The following SNED1 variants were observed in gnomAD, a reference collection of about 807,000 sequenced individuals.
SNED1 encodes the protein sushi, nidogen and EGF like domains 1.
Under a neutral mutation model 166.7 loss-of-function variants are expected in SNED1, and 81 were observed. The ratio of observed to expected loss-of-function variants is 0.49; its 90% CI spans 0.41 to 0.58. SNED1 has a LOEUF of 0.58. Ranked by LOEUF, SNED1 falls within the 20% of genes least tolerant of loss-of-function variation. The pLI, the probability that SNED1 is intolerant of heterozygous loss-of-function variation, is 0.00. For missense variants in SNED1, 1,604 were observed against 2,000.2 expected, an observed-to-expected ratio of 0.80 and a Z score of 3.78; for synonymous variants, 762 against 822.0, an observed-to-expected ratio of 0.93 and a Z score of 1.25.
intron 4 of SNED1, chr2:241,035,743 G>A (rs1251529376): frequency 1.4e-5 from 2 of 148,096 alleles, no homozygotes; most frequent in Non-Finnish European, 3.0e-5. Context: ...GGTGGGGGAT[G>A]AGGGGTAGAG....
rs1173867634 is a variant in SNED1, at chr2:241,064,095, G to A, written c.2569G>A (p.Glu857Lys). ...GGGAYLCVCPESFFGYHCETV... is the reference protein window; with the variant it reads ...GGGAYLCVCPKSFFGYHCETV... ...CGGGGCCTACCTGTGCGTCTGCCCA[G>A]AGAGCTTCTTCGGCTACCACTGCGA... Residue 857 changes from glutamate (E) to lysine (K), a missense_variant, in exon 19 of 32, where the codon GAG becomes AAG. Transcript: ENST00000310397. This position sits in a 1 kb window ranked among gnomAD's most constrained non-coding sequence, Gnocchi z 7.0. 6.4e-7 allele frequency: 1 copy of A among 1,568,448 alleles called. No homozygotes were observed.
intron 1 of SNED1, among the ~76,000 whole-genome samples, chr2:241,000,363 AGCC>A (rs2060042350): frequency 6.6e-6 from 1 of 152,232 alleles, no homozygotes. Flanking sequence ...TGGGAGGGGC[AGCC>A]ATGCTGTCGG....
intron 8 of SNED1, among the ~76,000 whole-genome samples, chr2:241,041,651 C>T (rs2061524864): frequency 6.6e-6 from 1 of 152,038 alleles, no homozygotes; most frequent in African/African-American, 2.4e-5. Flanking sequence ...CACCACTGCA[C>T]TCCACCCTGG....
intron 4 of SNED1, 118 bp from the exon 5 acceptor site, chr2:241,036,672 G>A (rs1050903953): frequency 3.6e-5 from 49 of 1,359,136 alleles, no homozygotes; most frequent in Non-Finnish European, 4.4e-5. Flanking sequence ...GCGGTCACCC[G>A]GGCACCCAGA....
rs963416243 is a variant in SNED1 at position 241,063,831 on chromosome 2, C to A, written c.2485+131C>A. On this transcript the variant is annotated intron_variant, in intron 18 of 31. Coordinates refer to ENST00000310397, the MANE Select transcript of SNED1 (RefSeq NM_001080437.3). ...AGAGGGACCCCCAGGGCTGCGGCCA[C>A]CTTGGGAGGGAGGGGTGGAGGTGAG... 4 of 806,128 alleles carry A rather than the reference C, an allele frequency of 5.0e-6. No individual in the cohort carries two copies. In the South Asian group the frequency reaches 7.0e-5, roughly 14 times the overall value. 49.9% of individuals were successfully genotyped at this position (806,128 alleles called of 1,614,324 possible).
intron 27 of SNED1, among the ~76,000 whole-genome samples, chr2:241,080,615 A>G (rs997323819): frequency 3.9e-5 from 6 of 152,240 alleles, no homozygotes; most frequent in Non-Finnish European, 5.9e-5. Flanking sequence ...GAGGGCGGGG[A>G]GCCAACCTGA....
rs936698193 is a variant in SNED1 at position 241,091,412 on chromosome 2, C to T, written c.*2-226C>T. 2.1e-5 allele frequency among the ~76,000 whole-genome samples: 2 copies of T among 96,680 alleles called. No individual in the cohort carries two copies. Among genetic ancestry groups the T allele is most frequent in the Admixed American group, 2.1e-4 (2 of 9,736 alleles). 63.4% of individuals were successfully genotyped at this position (96,680 alleles called of 152,430 possible). ...TGGGGATGTAGTCGGTGGAGGCTGCCCCTCCCCGTGTGCACTGCCATATGG... is the reference window on the plus strand; with the variant it reads ...TGGGGATGTAGTCGGTGGAGGCTGCTCCTCCCCGTGTGCACTGCCATATGG... On this transcript the variant is annotated intron_variant, in intron 31 of 31. Coordinates refer to ENST00000310397, the MANE Select transcript of SNED1 (RefSeq NM_001080437.3). The surrounding 1 kb of genome is among the most constrained non-coding windows in gnomAD (Gnocchi z 4.1).
In SNED1 at chr2:241,068,037, G is replaced by A. The variant is rs375681073; in HGVS notation, c.3194+90G>A. 137 of 1,213,750 alleles carry A rather than the reference G, an allele frequency of 1.1e-4. No individual in the cohort carries two copies. The highest frequency in any genetic ancestry group is 3.2e-4 in the South Asian group (22 of 69,094). The allele number at this position is 1,213,750 out of a possible 1,614,324, so 75.2% of individuals were successfully genotyped here. On this transcript the variant is annotated intron_variant, in intron 22 of 31. Coordinates refer to ENST00000310397, the MANE Select transcript of SNED1 (RefSeq NM_001080437.3). This position sits in a 1 kb window ranked among gnomAD's most constrained non-coding sequence, Gnocchi z 5.3. ...GGCCCAGGTCTCGGGCACATTCTCC[G>A]TGTGTGGACTGTACCACCTGCCGCT...
chr2:241,050,146 C>CATT lies in SNED1; in HGVS notation c.1735+215_1735+217dup, dbSNP rs2061792769. The CATT allele has an allele frequency of 6.5e-6, 4 of 610,708 alleles. 1 individual carries two copies. In the South Asian group the frequency reaches 7.5e-5, roughly 12 times the overall value. The allele number at this position is 610,708 out of a possible 1,614,324, so 37.8% of individuals were successfully genotyped here. ...CTGCACCAGTGCCAGGCCTGCTGGT[C>CATT]ATTACCTTGCTCTTCTGAAAATAGG... On this transcript the variant is annotated intron_variant, in intron 12 of 31. Coordinates refer to ENST00000310397, the MANE Select transcript of SNED1 (RefSeq NM_001080437.3).
intron 8 of SNED1, among the ~76,000 whole-genome samples, chr2:241,045,713 CAA>C (rs35928845): frequency 4.5e-5 from 6 of 133,556 alleles, no homozygotes; most frequent in Admixed American, 7.6e-5. Flanking sequence ...AAAACATAGG[CAA>C]AAAAAAAAAA....
rs1167986231 is a variant in SNED1, at chr2:241,068,422, A to C, written c.3194+475A>C. On this transcript the variant is annotated intron_variant, in intron 22 of 31. Transcript: ENST00000310397. The surrounding 1 kb of genome is among the most constrained non-coding windows in gnomAD (Gnocchi z 5.3). Reference sequence around the variant, plus strand: ...ACCCCTGTGATTTGGTCGCCAACCAAAGAGAAAGCTTCCGAATCGTGCTCA... The same window carrying C: ...ACCCCTGTGATTTGGTCGCCAACCACAGAGAAAGCTTCCGAATCGTGCTCA... 6.6e-6 allele frequency among the ~76,000 whole-genome samples: 1 copy of C among 152,008 alleles called. No homozygotes were observed. The highest frequency in any genetic ancestry group is 2.4e-5 in the African/African-American group (1 of 41,364).
rs3815292 is a variant in SNED1 at position 241,093,347 on chromosome 2, A to G, written c.*1711A>G. 13,262 of 152,762 alleles carry G rather than the reference A, an allele frequency of 0.087. 685 individuals are homozygous for G. The highest frequency in any genetic ancestry group is 0.14 in the African/African-American group (5,746 of 41,560). The allele number at this position is 152,762 out of a possible 1,614,324, so 9.5% of individuals were successfully genotyped here. A position where few individuals can be genotyped will look rare whatever the true frequency, so the allele number is the denominator to read the frequency against. ...TACTAGCAGATGCTAAGATCGAGTG[A>G]TATCACTGGAAAAGTAGGTGAATCC... On this transcript the variant is annotated 3_prime_UTR_variant, in exon 32 of 32. Coordinates refer to ENST00000310397, the MANE Select transcript of SNED1 (RefSeq NM_001080437.3).
At chr2:241,090,322 G>A (rs61234509) in intron 31 of SNED1, 316,058 of 1,549,484 alleles carry the variant, frequency 0.2, 33,151 homozygotes, top group Middle Eastern at 0.26. Flanking sequence ...CTTCCACATC[G>A]TGTCCCAGTA....
In SNED1 at chr2:241,073,416, G is replaced by A. The variant is rs761329637; in HGVS notation, c.3916+52G>A. The A allele has an allele frequency of 2.8e-6, 4 of 1,427,524 alleles. No individual in the cohort carries two copies. Among genetic ancestry groups the A allele is most frequent in the South Asian group, 2.4e-5 (2 of 81,684 alleles). The allele number at this position is 1,427,524 out of a possible 1,614,324, so 88.4% of individuals were successfully genotyped here. A position where few individuals can be genotyped will look rare whatever the true frequency, so the allele number is the denominator to read the frequency against. ...TTGGGACTGACTGACTGCTCTCAGGGGCCTTAGAGGCTGCAGGCAGGAGGG... is the reference window on the plus strand; with the variant it reads ...TTGGGACTGACTGACTGCTCTCAGGAGCCTTAGAGGCTGCAGGCAGGAGGG... On this transcript the variant is annotated intron_variant, in intron 27 of 31. Coordinates refer to ENST00000310397, the MANE Select transcript of SNED1 (RefSeq NM_001080437.3). The surrounding 1 kb of genome is among the most constrained non-coding windows in gnomAD (Gnocchi z 6.6).
At position 241,016,234 on chromosome 2, in the gene SNED1, G is replaced by A. The variant is rs1482159168; in HGVS notation, c.214-14050G>A. ...TTTTGAGATGGAGTCTTGCTCTGTCGCCCAGGCTGGAGTGCAGTGGCACGA... is the reference window on the plus strand; with the variant it reads ...TTTTGAGATGGAGTCTTGCTCTGTCACCCAGGCTGGAGTGCAGTGGCACGA... On this transcript the variant is annotated intron_variant, in intron 1 of 31. Transcript: ENST00000310397. Among the ~76,000 whole-genome samples, 16 of 119,456 alleles carry A rather than the reference G, an allele frequency of 1.3e-4. 1 individual carries two copies. The South Asian group carries it at 3.9e-3, about 29-fold the overall frequency. The allele number at this position is 119,456 out of a possible 152,430, so 78.4% of individuals were successfully genotyped here. A position where few individuals can be genotyped will look rare whatever the true frequency, so the allele number is the denominator to read the frequency against.
chr2:241,027,835 G>C (rs377360192), intron 1 of SNED1, among the ~76,000 whole-genome samples: 1 of 150,430 alleles, frequency 6.6e-6, no homozygotes. Context: ...CCGGGTTCAC[G>C]CCATTCTCCT....
chr2:241,007,989 C>T (rs2060271370), intron 1 of SNED1, among the ~76,000 whole-genome samples: 1 of 152,252 alleles, frequency 6.6e-6, no homozygotes, highest in African/African-American at 2.4e-5. Flanking sequence ...TTCAGGGCAC[C>T]TTCCTTCTGT....
intron 24 of SNED1, among the ~76,000 whole-genome samples, chr2:241,070,998 C>G (rs1489145427): frequency 6.6e-6 from 1 of 152,200 alleles, no homozygotes; most frequent in Non-Finnish European, 1.5e-5. Flanking sequence ...CTGCCACCCC[C>G]ACCAGCTTGG....
chr2:241,062,553 T>G (rs1445611421), intron 16 of SNED1, among the ~76,000 whole-genome samples: 1 of 152,162 alleles, frequency 6.6e-6, no homozygotes, highest in Admixed American at 6.5e-5. Context: ...CAGCGTCTTC[T>G]GGGAGCCCTG....
Sources: gnomAD v4.1 joint callset for allele counts (sites outside exome capture counted in the v4.1 genomes callset) on GRCh38, gnomAD v4.1.1 for gene constraint, Gnocchi (gnomAD v3.1) non-coding constraint, MANE v1.5 for transcripts, NCBI Gene and HGNC (gene_info 2026-07-23, HGNC 2026-07-21) for gene names.